The following PITPNC1 variants were observed in gnomAD, a reference collection of about 807,000 sequenced individuals.
PITPNC1 encodes the protein cytoplasmic phosphatidylinositol transfer protein 1.
Under a neutral mutation model 44.7 loss-of-function variants are expected in PITPNC1, and 18 were observed. That is an observed-to-expected ratio of 0.40 (90% CI 0.28 to 0.60). The LOEUF is 0.60. Ranked by LOEUF, PITPNC1 falls within the 20% of genes least tolerant of loss-of-function variation. The pLI is 0.39. For missense variants in PITPNC1, 290 were observed against 418.4 expected, an observed-to-expected ratio of 0.69 and a Z score of 2.68; for synonymous variants, 141 against 149.6, an observed-to-expected ratio of 0.94 and a Z score of 0.42.
chr17:67,611,920 C>T (rs899104089), intron 5 of PITPNC1: 17 of 152,174 alleles, frequency 1.1e-4, no homozygotes, highest in African/African-American at 3.9e-4. Flanking sequence ...CCTAATTTAA[C>T]GAAAGTAACA....
In PITPNC1 at chr17:67,491,848, A is replaced by C. The variant is rs1598737555; in HGVS notation, c.49-40954A>C. ...CCTGCCTCAAAACAACGACAAAACC[A>C]AAAACCAAAAACCCCAAAAGTGTAA... is the stretch of plus-strand genomic sequence containing the variant. On this transcript the variant is annotated intron_variant, in intron 1 of 8. Coordinates refer to ENST00000581322, the MANE Select transcript of PITPNC1 (RefSeq NM_012417.4). Among the ~76,000 whole-genome samples the C allele has an allele frequency of 2.0e-5, 3 of 152,192 alleles. 1 individual carries two copies. In the Middle Eastern group the frequency reaches 0.01, roughly 518 times the overall value.
At chr17:67,495,610 C>T (rs990281015) in intron 1 of PITPNC1, among the ~76,000 whole-genome samples, 3 of 152,172 alleles carry the variant, frequency 2.0e-5, no homozygotes, top group Non-Finnish European at 4.4e-5. Context: ...ATTTAGCTCC[C>T]ACTTGTAAGT....
At chr17:67,609,570 G>A (rs896745985) in intron 5 of PITPNC1, among the ~76,000 whole-genome samples, 3 of 151,952 alleles carry the variant, frequency 2.0e-5, no homozygotes, top group Admixed American at 1.3e-4. Context: ...GTTTATAGGC[G>A]TGAACCACCG....
At chr17:67,561,601 G>A (rs1598822941) in intron 4 of PITPNC1, among the ~76,000 whole-genome samples, 2 of 152,230 alleles carry the variant, frequency 1.3e-5, no homozygotes, top group Middle Eastern at 3.4e-3. Flanking sequence ...TTTAAACATC[G>A]ATTCTACTTT....
intron 1 of PITPNC1, among the ~76,000 whole-genome samples, chr17:67,405,251 A>G (rs1395492461): frequency 1.3e-5 from 2 of 151,874 alleles, no homozygotes; most frequent in African/African-American, 4.8e-5. Context: ...CGTTTAAAAA[A>G]AAAAAAATTC....
chr17:67,632,207 A>C lies in PITPNC1; in HGVS notation c.431A>C (p.Glu144Ala), dbSNP rs944222163. ...TGCTTTATTGATATTGCCTGCGATG[A>C]AATTCCAGAGCGCTACTACAAAGAA... Reference protein sequence around the residue: ...EVCFIDIACDEIPERYYKESE... With the variant: ...EVCFIDIACDAIPERYYKESE... Residue 144 changes from glutamate (E) to alanine (A), a missense_variant, in exon 6 of 9, where the codon GAA becomes GCA. Physicochemically the swap from Glu to Ala is moderately radical, Grantham distance 107. Coordinates refer to ENST00000581322, the MANE Select transcript of PITPNC1 (RefSeq NM_012417.4). 65 of 1,611,906 alleles carry C rather than the reference A, an allele frequency of 4.0e-5. No individual in the cohort carries two copies. The highest frequency in any genetic ancestry group is 5.5e-5 in the Non-Finnish European group (65 of 1,178,126).
chr17:67,496,629 A>C (rs77347120), intron 1 of PITPNC1, among the ~76,000 whole-genome samples: 7 of 152,304 alleles, frequency 4.6e-5, no homozygotes, highest in African/African-American at 1.7e-4. Context: ...AGGAGGTATG[A>C]TTAATCCTGG....
At chr17:67,690,341 G>A (rs572439978) in intron 8 of PITPNC1, among the ~76,000 whole-genome samples, 47 of 151,682 alleles carry the variant, frequency 3.1e-4, no homozygotes, top group African/African-American at 1.1e-3. Context: ...CCAGCTACTC[G>A]GGAGGCTGAG....
At chr17:67,651,214 T>TA (rs934822162) in intron 6 of PITPNC1, among the ~76,000 whole-genome samples, 15 of 152,242 alleles carry the variant, frequency 9.9e-5, no homozygotes, top group African/African-American at 3.1e-4. Flanking sequence ...GTCTCTTTTT[T>TA]AAAAAACAGC....
intron 8 of PITPNC1, among the ~76,000 whole-genome samples, chr17:67,680,779 T>C (rs920336384): frequency 6.6e-6 from 1 of 152,180 alleles, no homozygotes; most frequent in Non-Finnish European, 1.5e-5. Flanking sequence ...GTAAAGGGTT[T>C]AAAAAATGGC....
At chr17:67,566,851 A>G (rs2040986996) in intron 4 of PITPNC1, among the ~76,000 whole-genome samples, 1 of 152,160 alleles carries the variant, frequency 6.6e-6, no homozygotes, top group African/African-American at 2.4e-5. Flanking sequence ...ATACTTAAGA[A>G]TCAGCATGAG....
chr17:67,485,444 A>G (rs1475145202), intron 1 of PITPNC1, among the ~76,000 whole-genome samples: 2 of 148,896 alleles, frequency 1.3e-5, no homozygotes, highest in Admixed American at 1.4e-4. Flanking sequence ...GGCTCACAGC[A>G]ACCTCCGCCT....
At position 67,680,515 on chromosome 17, in the gene PITPNC1, G is replaced by A. The variant is rs530500368; in HGVS notation, c.682+4973G>A. 5.9e-5 allele frequency among the ~76,000 whole-genome samples: 9 copies of A among 151,684 alleles called. No individual in the cohort carries two copies. In the East Asian group the frequency reaches 9.7e-4, roughly 16 times the overall value. On this transcript the variant is annotated intron_variant, in intron 8 of 8. Transcript: ENST00000581322. ...CTCAGGAGGCTGAGGTAGGAGAATC[G>A]CTTGAACCCGGGAGGCAGAGGTTGC...
intron 8 of PITPNC1, among the ~76,000 whole-genome samples, chr17:67,688,606 T>C (rs2042864710): frequency 6.6e-6 from 1 of 152,094 alleles, no homozygotes; most frequent in African/African-American, 2.4e-5. Flanking sequence ...GCAAGAGGCG[T>C]TTCCTCTCTA....
rs115063192 is a variant in PITPNC1 at position 67,462,034 on chromosome 17, A to G, written c.49-70768A>G. On this transcript the variant is annotated intron_variant, in intron 1 of 8. Coordinates refer to ENST00000581322, the MANE Select transcript of PITPNC1 (RefSeq NM_012417.4). ...CTTCTGCTCCAGGTCTCTCTGGGTAATGTCCCATTTGCTTTCACAACATGC... is the reference window on the plus strand; with the variant it reads ...CTTCTGCTCCAGGTCTCTCTGGGTAGTGTCCCATTTGCTTTCACAACATGC... 9.9e-3 allele frequency among the ~76,000 whole-genome samples: 1,510 copies of G among 152,062 alleles called. 22 individuals are homozygous for G. The highest frequency in any genetic ancestry group is 0.034 in the African/African-American group (1,425 of 41,466).
At chr17:67,684,992 C>T (rs2042786314) in intron 8 of PITPNC1, among the ~76,000 whole-genome samples, 1 of 152,226 alleles carries the variant, frequency 6.6e-6, no homozygotes, top group Non-Finnish European at 1.5e-5. Flanking sequence ...ACTGTCATGC[C>T]TGTTGGGATG....
intron 1 of PITPNC1, among the ~76,000 whole-genome samples, chr17:67,512,842 G>C (rs1208388433): frequency 6.6e-6 from 1 of 151,806 alleles, no homozygotes; most frequent in Non-Finnish European, 1.5e-5. Flanking sequence ...TTAAAATGTA[G>C]TTCATATCTT....
At chr17:67,610,043 A>C (rs552663173) in intron 5 of PITPNC1, among the ~76,000 whole-genome samples, 1 of 152,278 alleles carries the variant, frequency 6.6e-6, no homozygotes, top group Admixed American at 6.5e-5. Context: ...CTGGCACCCA[A>C]GACCTTCTGT....
chr17:67,580,188 C>T (rs189277782), intron 5 of PITPNC1, among the ~76,000 whole-genome samples: 1 of 152,240 alleles, frequency 6.6e-6, no homozygotes, highest in East Asian at 1.9e-4. Context: ...CTGGCTGTAC[C>T]ACCTTCCATA....
Sources: allele counts gnomAD v4.1 joint callset (sites outside exome capture counted in the v4.1 genomes callset), GRCh38; gene constraint gnomAD v4.1.1; transcripts MANE v1.5; gene names NCBI Gene and HGNC (gene_info 2026-07-23, HGNC 2026-07-21).